TAF3: variants seen among roughly 807,000 people sequenced by gnomAD.
TAF3 encodes the protein TATA-box binding protein associated factor 3, also known as transcription initiation factor TFIID subunit 3.
A neutral mutation model predicts 80.6 loss-of-function variants in TAF3; 7 were observed. That is an observed-to-expected ratio of 0.09 (90% confidence interval 0.05 to 0.16). The LOEUF is 0.16. Ranked by LOEUF, TAF3 falls within the 10% of genes least tolerant of loss-of-function variation. TAF3 has a pLI of 1.00. For synonymous variants in TAF3, 444 were observed against 446.1 expected (o/e 1.00, Z 0.06); for missense variants, 921 against 1,140.2 (o/e 0.81, Z 2.77).
intron 4 of TAF3, among the ~76,000 whole-genome samples, chr10:7,979,195 T>A (rs1207977798): frequency 2.7e-5 from 4 of 149,140 alleles, no homozygotes; most frequent in African/African-American, 7.4e-5. Flanking sequence ...ATACAAAAAA[T>A]TAGCCAGGTG....
Position 8,013,307 on chromosome 10 carries a change from C to T in TAF3, c.2569-424C>T, listed in dbSNP as rs973551202. ...TATATTAATTCCATGCCTATGAATG[C>T]GATTGAGAAAACCACATATAAAGTG... On this transcript the variant is annotated intron_variant, in intron 5 of 6. Transcript: ENST00000344293. 4.6e-5 allele frequency among the ~76,000 whole-genome samples: 7 copies of T among 152,146 alleles called. No individual in the cohort carries two copies. The Middle Eastern group carries it at 0.014, about 296-fold the overall frequency.
At chr10:7,993,705 T>C (rs1391198662) in intron 4 of TAF3, among the ~76,000 whole-genome samples, 1 of 152,144 alleles carries the variant, frequency 6.6e-6, no homozygotes, top group East Asian at 1.9e-4. Flanking sequence ...TTCAGATCAG[T>C]AGGCATGGAA....
intron 3 of TAF3, among the ~76,000 whole-genome samples, chr10:7,973,425 G>A (rs1333401891): frequency 6.6e-6 from 1 of 152,148 alleles, no homozygotes; most frequent in African/African-American, 2.4e-5. Context: ...CCCTAAAATT[G>A]TTAGAGTTGA....
At chr10:7,853,259 G>A (rs1002210868) in intron 2 of TAF3, among the ~76,000 whole-genome samples, 2 of 152,148 alleles carry the variant, frequency 1.3e-5, no homozygotes, top group Non-Finnish European at 2.9e-5. Flanking sequence ...TTGAGGTTAA[G>A]TTTATTGTAG....
chr10:7,832,750 A>G (rs1244504), intron 2 of TAF3, among the ~76,000 whole-genome samples: 71,452 of 151,892 alleles, frequency 0.47, 17,055 homozygotes, highest in South Asian at 0.62. Context: ...CGATTTCACC[A>G]TGTTGGCCAG....
chr10:7,858,263 T>C (rs1837102865), intron 2 of TAF3, among the ~76,000 whole-genome samples: 1 of 152,238 alleles, frequency 6.6e-6, no homozygotes, highest in Non-Finnish European at 1.5e-5. Context: ...CTAAAGCCAC[T>C]GGTCTGCAGG....
Position 8,005,329 on chromosome 10 carries a change from A to G in TAF3, c.2316-3749A>G, listed in dbSNP as rs558192654. 3.4e-4 allele frequency among the ~76,000 whole-genome samples: 52 copies of G among 152,264 alleles called. No homozygotes were observed. In the South Asian group the frequency reaches 5.8e-3, roughly 17 times the overall value. On this transcript the variant is annotated intron_variant, in intron 4 of 6. Transcript: ENST00000344293. ...GTGCTGCTTATTTTTTTTAAAGATA[A>G]TTATCTGTATTAATATGAGACCTAG...
intron 2 of TAF3, among the ~76,000 whole-genome samples, chr10:7,916,158 T>G (rs1208331824): frequency 2.0e-5 from 3 of 152,166 alleles, no homozygotes; most frequent in Non-Finnish European, 2.9e-5. Flanking sequence ...GTTCAGGTTC[T>G]TTAGAAGATA....
intron 4 of TAF3, among the ~76,000 whole-genome samples, chr10:8,001,674 T>C (rs1301276463): frequency 6.6e-6 from 1 of 152,212 alleles, no homozygotes; most frequent in Non-Finnish European, 1.5e-5. Flanking sequence ...ACATCTATAT[T>C]TACTTACTTT....
chr10:7,871,968 T>A (rs969356707), intron 2 of TAF3, among the ~76,000 whole-genome samples: 2 of 152,206 alleles, frequency 1.3e-5, no homozygotes, highest in African/African-American at 2.4e-5. Flanking sequence ...GTTTCTGAAA[T>A]TCACAGTTAT....
At chr10:7,955,237 C>G (rs900208673) in intron 2 of TAF3, among the ~76,000 whole-genome samples, 1 of 152,138 alleles carries the variant, frequency 6.6e-6, no homozygotes, top group Non-Finnish European at 1.5e-5. Context: ...TTTAAATGAT[C>G]CTTTCATTTG....
chr10:7,948,809 C>T (rs1032773195), intron 2 of TAF3, among the ~76,000 whole-genome samples: 1 of 152,204 alleles, frequency 6.6e-6, no homozygotes, highest in South Asian at 2.1e-4. Flanking sequence ...ACTTGAGTCA[C>T]CCTAAATTTG....
chr10:7,984,689 A>G (rs769437722), intron 4 of TAF3, among the ~76,000 whole-genome samples: 1 of 152,222 alleles, frequency 6.6e-6, no homozygotes, highest in Admixed American at 6.5e-5. Flanking sequence ...TTCTCTCCGC[A>G]GTGTTATCAA....
intron 2 of TAF3, among the ~76,000 whole-genome samples, chr10:7,909,217 C>T (rs12218503): frequency 0.2 from 29,931 of 152,190 alleles, 3,053 homozygotes; most frequent in East Asian, 0.3. Context: ...TCTAGGCTTA[C>T]TGGATCAGAG....
intron 2 of TAF3, among the ~76,000 whole-genome samples, chr10:7,947,681 A>G (rs576200946): frequency 2.6e-5 from 4 of 152,210 alleles, no homozygotes; most frequent in Admixed American, 6.5e-5. Context: ...CGAAGATGCC[A>G]GCATGGCTTG....
intron 2 of TAF3, among the ~76,000 whole-genome samples, chr10:7,847,609 A>G (rs1454629906): frequency 6.6e-6 from 1 of 151,958 alleles, no homozygotes; most frequent in Non-Finnish European, 1.5e-5. Flanking sequence ...ACATCCAGCT[A>G]ATTTTTTTTT....
chr10:7,837,977 A>G (rs769556732), intron 2 of TAF3, among the ~76,000 whole-genome samples: 51 of 152,386 alleles, frequency 3.3e-4, no homozygotes, highest in Non-Finnish European at 5.0e-4. Flanking sequence ...GCAGCCATCA[A>G]ATAATTTATC....
At chr10:8,005,206 G>C (rs976299507) in intron 4 of TAF3, among the ~76,000 whole-genome samples, 1 of 151,984 alleles carries the variant, frequency 6.6e-6, no homozygotes, top group African/African-American at 2.4e-5. Flanking sequence ...GATAATTCTT[G>C]TATCTGTGGT....
chr10:7,835,289 AAAGCCGTCCT>A (rs1836840779), intron 2 of TAF3, among the ~76,000 whole-genome samples: 2 of 151,360 alleles, frequency 1.3e-5, no homozygotes, highest in Admixed American at 1.3e-4. Flanking sequence ...GGCTGCATTC[AAAGCCGTCCT>A]GGGCCGCATA....
Sources: allele counts gnomAD v4.1 joint callset (sites outside exome capture counted in the v4.1 genomes callset), GRCh38; gene constraint gnomAD v4.1.1; transcripts MANE v1.5; gene names NCBI Gene and HGNC (gene_info 2026-07-23, HGNC 2026-07-21).